The following C8orf34 variants were observed in gnomAD, a reference collection of about 807,000 sequenced individuals.
The protein encoded by C8orf34 is uncharacterized protein C8orf34.
Under a neutral mutation model 68.3 loss-of-function variants are expected in C8orf34, and 65 were observed. That is an observed-to-expected ratio of 0.95 (90% CI 0.78 to 1.17). The LOEUF is 1.17. Among genes scored for constraint, C8orf34 ranks in the 50% most tolerant of loss-of-function variants. C8orf34 has a pLI of 0.00. For synonymous variants in C8orf34, 244 were observed against 241.2 expected (o/e 1.01, Z -0.11); for missense variants, 664 against 655.4 (o/e 1.01, Z -0.14).
At chr8:68,562,073 T>C (rs2130179242) in intron 7 of C8orf34, among the ~76,000 whole-genome samples, 1 of 152,322 alleles carries the variant, frequency 6.6e-6, no homozygotes, top group South Asian at 2.1e-4. Context: ...ATTCTTATTA[T>C]CTAATATGTA....
At chr8:68,410,671 A>C (rs1400410276) in intron 1 of C8orf34, among the ~76,000 whole-genome samples, 1 of 152,148 alleles carries the variant, frequency 6.6e-6, no homozygotes, top group African/African-American at 2.4e-5. Flanking sequence ...AGTCATAGGC[A>C]CCTGTCCTCA....
At chr8:68,565,362 A>G (rs1187289948) in intron 7 of C8orf34, among the ~76,000 whole-genome samples, 1 of 152,182 alleles carries the variant, frequency 6.6e-6, no homozygotes, top group African/African-American at 2.4e-5. Context: ...CCTCCCGAAG[A>G]TAAAGCTGCT....
intron 1 of C8orf34, among the ~76,000 whole-genome samples, chr8:68,419,996 A>C (rs1433920181): frequency 1.3e-5 from 2 of 151,176 alleles, no homozygotes; most frequent in South Asian, 2.1e-4. Context: ...AAAAAAAAGA[A>C]AAAAGACAAA....
At chr8:68,373,517 C>T (rs1240226874) in intron 1 of C8orf34, among the ~76,000 whole-genome samples, 2 of 152,154 alleles carry the variant, frequency 1.3e-5, no homozygotes, top group Non-Finnish European at 2.9e-5. Context: ...GTATGTAGAG[C>T]CTCATATTTA....
intron 5 of C8orf34, among the ~76,000 whole-genome samples, chr8:68,501,006 C>A (rs1338387085): frequency 1.3e-5 from 2 of 151,966 alleles, no homozygotes; most frequent in Admixed American, 6.6e-5. Flanking sequence ...CTTGAAGAAC[C>A]TGTGCAACTG....
chr8:68,664,944 T>A (rs1360594509), intron 8 of C8orf34, among the ~76,000 whole-genome samples: 1 of 152,220 alleles, frequency 6.6e-6, no homozygotes, highest in East Asian at 1.9e-4. Flanking sequence ...AGATTTTAGA[T>A]TATCCCATGT....
chr8:68,555,053 GTTTTAAAAAGT>G, intron 7 of C8orf34, among the ~76,000 whole-genome samples: 1 of 152,012 alleles, frequency 6.6e-6, no homozygotes, highest in Non-Finnish European at 1.5e-5. Flanking sequence ...ACTTTTTTAT[GTTTTAAAAAGT>G]TTCTGTTTGT....
chr8:68,533,021 A>AGCAACAGCAACATAAGAAACTCCTG lies in C8orf34; in HGVS notation c.980_1004dup (p.Ala336ThrfsTer4), dbSNP rs1815312640. ...CCTAAGAACAAAGGATTAAAACAGC[A>AGCAACAGCAACATAAGAAACTCCTG]GCAACAGCAACATAAGAAACTCCTG... On this transcript the variant is annotated frameshift_variant, in exon 7 of 14. Transcript: ENST00000518698. LOFTEE classifies it high-confidence loss of function. 6.2e-7 allele frequency: 1 copy of AGCAACAGCAACATAAGAAACTCCTG among 1,609,216 alleles called. No individual in the cohort carries two copies. The highest frequency in any genetic ancestry group is 1.3e-5 in the African/African-American group (1 of 74,794).
chr8:68,654,379 G>C (rs1323972104), intron 8 of C8orf34, among the ~76,000 whole-genome samples: 4 of 152,088 alleles, frequency 2.6e-5, no homozygotes, highest in Admixed American at 2.0e-4. Flanking sequence ...GATGAAAAGC[G>C]ATTGCTTCTT....
At chr8:68,724,241 T>C (rs962295540) in intron 10 of C8orf34, among the ~76,000 whole-genome samples, 1 of 152,164 alleles carries the variant, frequency 6.6e-6, no homozygotes, top group Admixed American at 6.5e-5. Flanking sequence ...AGAAGAAAAT[T>C]GTGATTTTAT....
chr8:68,372,507 G>T (rs551863037), intron 1 of C8orf34, among the ~76,000 whole-genome samples: 1 of 152,236 alleles, frequency 6.6e-6, no homozygotes, highest in East Asian at 1.9e-4. Context: ...GGTGGGCCAA[G>T]GGGTTATATT....
intron 10 of C8orf34, among the ~76,000 whole-genome samples, chr8:68,750,952 C>T (rs541518118): frequency 1.3e-5 from 2 of 152,078 alleles, no homozygotes; most frequent in South Asian, 2.1e-4. Flanking sequence ...ATGCTGAAAC[C>T]GGGAGTTAAG....
intron 7 of C8orf34, among the ~76,000 whole-genome samples, chr8:68,541,655 C>T (rs1359156838): frequency 6.6e-6 from 1 of 152,120 alleles, no homozygotes; most frequent in Non-Finnish European, 1.5e-5. Flanking sequence ...GTTAGAAATG[C>T]TCCACATAGT....
intron 4 of C8orf34, among the ~76,000 whole-genome samples, chr8:68,477,557 A>C (rs1328454845): frequency 6.6e-6 from 1 of 152,190 alleles, no homozygotes; most frequent in Non-Finnish European, 1.5e-5. Context: ...AGATCTACTG[A>C]CAGCTTGAAC....
At chr8:68,507,170 G>A (rs1269919596) in intron 5 of C8orf34, among the ~76,000 whole-genome samples, 1 of 151,862 alleles carries the variant, frequency 6.6e-6, no homozygotes, top group East Asian at 1.9e-4. Context: ...TTGATTCCTT[G>A]GCATCTTGTA....
At chr8:68,489,460 G>C (rs1264594025) in intron 5 of C8orf34, among the ~76,000 whole-genome samples, 1 of 152,130 alleles carries the variant, frequency 6.6e-6, no homozygotes, top group Admixed American at 6.5e-5. Flanking sequence ...TATACACAAA[G>C]AGATATCATG....
At chr8:68,519,664 A>G (rs1430225767) in intron 5 of C8orf34, among the ~76,000 whole-genome samples, 1 of 152,076 alleles carries the variant, frequency 6.6e-6, no homozygotes, top group Non-Finnish European at 1.5e-5. Context: ...TTTTATGAAA[A>G]TATTAGTCCT....
intron 5 of C8orf34, among the ~76,000 whole-genome samples, chr8:68,519,755 TTAAC>T (rs1814671063): frequency 6.6e-6 from 1 of 152,156 alleles, no homozygotes; most frequent in Non-Finnish European, 1.5e-5. Context: ...ATTTTATGGT[TTAAC>T]TATGTTATTT....
At chr8:68,460,955 G>A (rs1024807289) in intron 3 of C8orf34, among the ~76,000 whole-genome samples, 15 of 152,216 alleles carry the variant, frequency 9.9e-5, no homozygotes, top group Admixed American at 5.9e-4. Flanking sequence ...ATGACATGAC[G>A]AGTTGTGAGA....
Sources: allele counts gnomAD v4.1 joint callset (sites outside exome capture counted in the v4.1 genomes callset), GRCh38; gene constraint gnomAD v4.1.1; transcripts MANE v1.5; gene names NCBI Gene and HGNC (gene_info 2026-07-23, HGNC 2026-07-21).